The following DGCR2 variants were observed in gnomAD, a reference collection of about 807,000 sequenced individuals.
The protein encoded by DGCR2 is DiGeorge syndrome critical region gene 2, also known as integral membrane protein DGCR2/IDD.
In DGCR2, 24 loss-of-function variants were observed where a neutral mutation model predicts 51.6. That is an observed-to-expected ratio of 0.47 (90% confidence interval 0.34 to 0.65). DGCR2 has a LOEUF of 0.65. Among genes scored for constraint, DGCR2 ranks in the 30% least tolerant of loss-of-function variants. The probability of loss-of-function intolerance (pLI) is 0.01; values close to 1 mark genes in which losing one functional copy is unlikely to be tolerated. For missense variants in DGCR2, 765 were observed against 772.1 expected, an observed-to-expected ratio of 0.99 and a Z score of 0.11; for synonymous variants, 340 against 315.4, an observed-to-expected ratio of 1.08 and a Z score of -0.82.
chr22:19,041,771 T>C (rs767202033), intron 8 of DGCR2, 36 bp downstream of exon 8: 4 of 1,598,370 alleles, frequency 2.5e-6, no homozygotes, highest in Non-Finnish European at 3.4e-6. Flanking sequence ...GGGGTGGGGA[T>C]GGGGACCAGG....
chr22:19,077,808 G>T (rs145332600), intron 2 of DGCR2, among the ~76,000 whole-genome samples: 6 of 151,402 alleles, frequency 4.0e-5, no homozygotes, highest in African/African-American at 1.2e-4. Context: ...CATGAGCATG[G>T]AACATCTCTC....
chr22:19,097,036 T>C lies in DGCR2; in HGVS notation c.80-7546A>G, dbSNP rs561168342. ...ACCTTAAATTATTTTTGGAAATAGT[T>C]GAGTAAGAAGTAATAAGTAACAACA... On this transcript the variant is annotated intron_variant, in intron 1 of 9. Transcript: ENST00000263196. Among the ~76,000 whole-genome samples, 7 of 152,234 alleles carry C rather than the reference T, an allele frequency of 4.6e-5. No homozygotes were observed. In the South Asian group the frequency reaches 1.5e-3, roughly 32 times the overall value.
chr22:19,072,467 T>C lies in DGCR2; in HGVS notation c.203-4242A>G, dbSNP rs186778577. ...CAGAGACCCAAACCACAGAGGAAAA[T>C]AGCACAGAAGAAACAAGTACAGAGA... On this transcript the variant is annotated intron_variant, in intron 2 of 9. Transcript: ENST00000263196. Among the ~76,000 whole-genome samples the C allele has an allele frequency of 2.5e-4, 38 of 151,834 alleles. 1 individual carries two copies. The highest frequency in any genetic ancestry group is 5.2e-4 in the Non-Finnish European group (35 of 67,934).
chr22:19,063,058 G>A (rs867033396), intron 5 of DGCR2, 144 bp downstream of exon 5: 22 of 713,538 alleles, frequency 3.1e-5, no homozygotes, highest in African/African-American at 5.4e-5. Context: ...CATGACCGCA[G>A]CCCTCCCTGC....
intron 7 of DGCR2, chr22:19,046,707 T>TGGAAGCATGGCCACAGGGCA (rs1331795647): frequency 2.4e-6 from 1 of 425,262 alleles, no homozygotes; most frequent in Admixed American, 2.5e-5. Flanking sequence ...CAGGAGCCCA[T>TGGAAGCATGGCCACAGGGCA]GGAAGCATGG....
chr22:19,049,496 T>C (rs779411521), intron 6 of DGCR2, among the ~76,000 whole-genome samples: 86 of 152,096 alleles, frequency 5.7e-4, no homozygotes, highest in Admixed American at 1.8e-3. Context: ...AAAAAGACTC[T>C]TCCGAAATTT....
intron 2 of DGCR2, among the ~76,000 whole-genome samples, chr22:19,069,714 A>AT (rs1370674465): frequency 6.6e-6 from 1 of 151,962 alleles, no homozygotes; most frequent in Non-Finnish European, 1.5e-5. Flanking sequence ...GGCTGTTTGC[A>AT]TTTTTTTCAT....
At chr22:19,047,483 G>A (rs1339699315) in intron 7 of DGCR2, 1 of 152,170 alleles carries the variant, frequency 6.6e-6, no homozygotes, top group Non-Finnish European at 1.5e-5. Context: ...GCTTCCAAAA[G>A]TCCCCATCAT....
rs866485177 is a variant in DGCR2, at chr22:19,084,529, G to A, written c.202+4839C>T. ...TGAGGAGCCCCTCCGCCCGGCAGCC[G>A]CCCCGTCTGAGAAGTGAGGAGCCCC... On this transcript the variant is annotated intron_variant, in intron 2 of 9. Coordinates refer to ENST00000263196, the MANE Select transcript of DGCR2 (RefSeq NM_005137.3). 3.0e-3 allele frequency among the ~76,000 whole-genome samples: 390 copies of A among 128,340 alleles called. 11 individuals carry two copies. The highest frequency in any genetic ancestry group is 0.015 in the South Asian group (54 of 3,524). 84.2% of individuals were successfully genotyped at this position (128,340 alleles called of 152,430 possible).
intron 5 of DGCR2, among the ~76,000 whole-genome samples, chr22:19,062,364 C>A (rs899993401): frequency 6.6e-6 from 1 of 152,136 alleles, no homozygotes; most frequent in Non-Finnish European, 1.5e-5. Flanking sequence ...CTCTGTGGGG[C>A]CCTCTTTTCT....
rs1243950223 is a variant in DGCR2, at chr22:19,091,988, GTTTT to G, written c.80-2502_80-2499del. Among the ~76,000 whole-genome samples, 9 of 152,090 alleles carry G rather than the reference GTTTT, an allele frequency of 5.9e-5. No homozygotes were observed. In the East Asian group the frequency reaches 1.7e-3, roughly 29 times the overall value. ...AGAGAAAATAAGAAAAACAAAAGTT[GTTTT>G]TTTGAGATCAGTAATATTAATAAAC... On this transcript the variant is annotated intron_variant, in intron 1 of 9. Coordinates refer to ENST00000263196, the MANE Select transcript of DGCR2 (RefSeq NM_005137.3).
intron 7 of DGCR2, chr22:19,048,177 C>A (rs1241828346): frequency 1.3e-5 from 7 of 543,178 alleles, no homozygotes; most frequent in Non-Finnish European, 2.3e-5. Context: ...GAACAAACAG[C>A]CACACTTGAG....
At chr22:19,099,983 G>C (rs896967970) in intron 1 of DGCR2, among the ~76,000 whole-genome samples, 6 of 117,198 alleles carry the variant, frequency 5.1e-5, no homozygotes, top group African/African-American at 1.8e-4. Context: ...AAAAAAAAAA[G>C]TCACCCTTGA....
intron 5 of DGCR2, among the ~76,000 whole-genome samples, chr22:19,062,357 T>C (rs1340803520): frequency 6.6e-6 from 1 of 152,166 alleles, no homozygotes; most frequent in Non-Finnish European, 1.5e-5. Flanking sequence ...GCCCCGCCTC[T>C]GTGGGGCCCT....
chr22:19,106,739 CAA>C (rs1340708905), intron 1 of DGCR2, among the ~76,000 whole-genome samples: 1 of 152,166 alleles, frequency 6.6e-6, no homozygotes, highest in Non-Finnish European at 1.5e-5. Context: ...TGTCCCACAT[CAA>C]GTTGGCAGCA....
chr22:19,072,606 C>A (rs941907494), intron 2 of DGCR2, among the ~76,000 whole-genome samples: 43 of 152,058 alleles, frequency 2.8e-4, no homozygotes, highest in Admixed American at 2.8e-3. Flanking sequence ...GGGCACGGTG[C>A]CTCACGCCTG....
chr22:19,091,385 A>G (rs1178513477), intron 1 of DGCR2, among the ~76,000 whole-genome samples: 1 of 152,208 alleles, frequency 6.6e-6, no homozygotes, highest in Non-Finnish European at 1.5e-5. Context: ...GGAGTGTATT[A>G]ATATCACACA....
At chr22:19,104,230 C>A (rs139568111) in intron 1 of DGCR2, among the ~76,000 whole-genome samples, 1 of 152,278 alleles carries the variant, frequency 6.6e-6, no homozygotes, top group African/African-American at 2.4e-5. Flanking sequence ...CCCCCAGAGA[C>A]CCCTGGGCAC....
intron 2 of DGCR2, among the ~76,000 whole-genome samples, chr22:19,077,700 A>C (rs1393694950): frequency 6.6e-6 from 1 of 152,196 alleles, no homozygotes; most frequent in Admixed American, 6.5e-5. Flanking sequence ...CATTAGGATA[A>C]ATTTTTCTAC....
Sources: gnomAD v4.1 joint callset for allele counts (sites outside exome capture counted in the v4.1 genomes callset) on GRCh38, gnomAD v4.1.1 for gene constraint, MANE v1.5 for transcripts, NCBI Gene and HGNC (gene_info 2026-07-23, HGNC 2026-07-21) for gene names.